Variants in KSR1 observed in about 807,000 individuals in gnomAD.
KSR1 encodes kinase suppressor of ras 1, also known as kinase suppressor of ras.
Under a neutral mutation model 92.9 loss-of-function variants are expected in KSR1, and 35 were observed. That is an observed-to-expected ratio of 0.38 (90% CI 0.29 to 0.50). The LOEUF (loss-of-function observed/expected upper bound fraction) is 0.50, where lower values mean the gene tolerates loss of function less well. Ranked by LOEUF, KSR1 falls within the 20% of genes least tolerant of loss-of-function variation. The pLI is 0.94. For synonymous variants in KSR1, 467 were observed against 472.6 expected (o/e 0.99, Z 0.15); for missense variants, 972 against 1,158.5 (o/e 0.84, Z 2.34).
chr17:27,594,989 A>G (rs1004930810), intron 9 of KSR1, among the ~76,000 whole-genome samples: 2 of 152,212 alleles, frequency 1.3e-5, no homozygotes, highest in African/African-American at 4.8e-5. Context: ...GCCTTGGAGC[A>G]TGAGTGAGAA....
At chr17:27,614,390 G>A (rs1193500163) in intron 18 of KSR1, among the ~76,000 whole-genome samples, 1 of 152,230 alleles carries the variant, frequency 6.6e-6, no homozygotes, top group Non-Finnish European at 1.5e-5. Context: ...TGAGAGAAAA[G>A]ATATTCTTCG....
chr17:27,620,890 C>G (rs12949579), intron 19 of KSR1: 26,213 of 270,580 alleles, frequency 0.097, 1,600 homozygotes, highest in South Asian at 0.26. Context: ...TGGGGCTGTT[C>G]CCTGCCCAGC....
rs779891917 is a variant in KSR1, at chr17:27,590,847, C to T, written c.1083C>T (p.His361=). Residue 361 remains histidine, a synonymous_variant, in exon 7 of 21, where the codon CAC becomes CAT. Transcript: ENST00000644974. ...STKSWLSQVC[H]VCQKSMIFGV... Reference sequence around the variant, plus strand: ...AGTCCTGGCTGTCGCAGGTCTGCCACGTGTGCCAGAAGAGCATGATATTTG... The same window carrying T: ...AGTCCTGGCTGTCGCAGGTCTGCCATGTGTGCCAGAAGAGCATGATATTTG... 7 of 1,611,672 alleles carry T rather than the reference C, an allele frequency of 4.3e-6. No homozygotes were observed. The highest frequency in any genetic ancestry group is 2.2e-5 in the East Asian group (1 of 44,824).
chr17:27,557,240 C>T (rs1188792637), intron 2 of KSR1, among the ~76,000 whole-genome samples: 1 of 152,204 alleles, frequency 6.6e-6, no homozygotes, highest in Non-Finnish European at 1.5e-5. Flanking sequence ...AAGTCTCCTC[C>T]AAGGTAGCTC....
At chr17:27,533,964 C>CGTGTGTGTGTGT (rs60306092) in intron 1 of KSR1, among the ~76,000 whole-genome samples, 182 of 151,734 alleles carry the variant, frequency 1.2e-3, no homozygotes, top group East Asian at 6.8e-3. Flanking sequence ...CGTGTGCGCA[C>CGTGTGTGTGTGT]GTGTGTGTGT....
At chr17:27,462,951 C>A (rs2019519127) in intron 1 of KSR1, among the ~76,000 whole-genome samples, 3 of 152,236 alleles carry the variant, frequency 2.0e-5, no homozygotes, top group Admixed American at 6.5e-5. Flanking sequence ...ATTGTGTGGT[C>A]ATACCACAAA....
chr17:27,616,817 C>T (rs1406614091), intron 18 of KSR1, among the ~76,000 whole-genome samples: 2 of 152,258 alleles, frequency 1.3e-5, no homozygotes, highest in Non-Finnish European at 2.9e-5. Flanking sequence ...GACAGCTGTT[C>T]TGCTGACTCT....
At chr17:27,622,275 G>A (rs939735045) in intron 20 of KSR1, 5 of 371,862 alleles carry the variant, frequency 1.3e-5, no homozygotes, top group Non-Finnish European at 2.5e-5. Context: ...TGTTTGGGTG[G>A]CTCTGTCTCA....
chr17:27,566,946 C>G (rs537400823), intron 2 of KSR1, among the ~76,000 whole-genome samples: 12 of 152,260 alleles, frequency 7.9e-5, no homozygotes, highest in South Asian at 4.1e-4. Flanking sequence ...TTGACCAGGC[C>G]AGGGAGGCCG....
At chr17:27,528,311 C>A (rs1010343710) in intron 1 of KSR1, among the ~76,000 whole-genome samples, 2 of 152,006 alleles carry the variant, frequency 1.3e-5, no homozygotes, top group African/African-American at 2.4e-5. Context: ...AGGTGATCTG[C>A]CCACCTCAAC....
chr17:27,556,391 T>A (rs2071597567), intron 2 of KSR1, among the ~76,000 whole-genome samples: 1 of 152,090 alleles, frequency 6.6e-6, no homozygotes, highest in East Asian at 1.9e-4. Flanking sequence ...ATATATATAT[T>A]TTAATTTTTT....
In KSR1 at chr17:27,577,718, A is replaced by C; in HGVS notation, c.520+79A>C. 2 of 1,220,050 alleles carry C rather than the reference A, an allele frequency of 1.6e-6. No individual in the cohort carries two copies. Among genetic ancestry groups the C allele is most frequent in the Non-Finnish European group, 2.3e-6 (2 of 858,246 alleles). The allele number at this position is 1,220,050 out of a possible 1,614,324, so 75.6% of individuals were successfully genotyped here. On this transcript the variant is annotated intron_variant, in intron 3 of 20. Coordinates refer to ENST00000644974, the MANE Select transcript of KSR1 (RefSeq NM_001394583.1). This position sits in a 1 kb window ranked among gnomAD's most constrained non-coding sequence, Gnocchi z 4.5. ...TGGCCTTCACTATGGTGGGTGATGG[A>C]GCGGGGCAAGCGTGGCCCAGGGTTT...
chr17:27,545,612 ACCT>A (rs2071142606), intron 1 of KSR1, among the ~76,000 whole-genome samples: 2 of 152,300 alleles, frequency 1.3e-5, no homozygotes, highest in South Asian at 4.1e-4. Context: ...CTGGACCCCC[ACCT>A]CCCAGAGTTT....
At chr17:27,532,292 C>T (rs1292550145) in intron 1 of KSR1, among the ~76,000 whole-genome samples, 1 of 152,206 alleles carries the variant, frequency 6.6e-6, no homozygotes, top group African/African-American at 2.4e-5. Context: ...CCCGGTTTTT[C>T]TCAGTGCGGG....
chr17:27,582,603 C>T, intron 3 of KSR1, 43 bp from the exon 4 acceptor site: 1 of 1,548,866 alleles, frequency 6.5e-7, no homozygotes, highest in Admixed American at 1.8e-5. Flanking sequence ...CTGTGAATTC[C>T]TTCCAGCCCT....
intron 1 of KSR1, among the ~76,000 whole-genome samples, chr17:27,538,351 T>G (rs931414043): frequency 5.9e-5 from 9 of 152,208 alleles, no homozygotes; most frequent in African/African-American, 2.2e-4. Flanking sequence ...GCCATCCTTG[T>G]GGTTGCGAGA....
chr17:27,499,746 T>A (rs1344113406), intron 1 of KSR1, among the ~76,000 whole-genome samples: 3 of 152,200 alleles, frequency 2.0e-5, no homozygotes, highest in African/African-American at 7.2e-5. Flanking sequence ...CCTTCAATAA[T>A]GTGTTAGTGA....
At chr17:27,560,588 A>G in intron 2 of KSR1, 1 of 480,886 alleles carries the variant, frequency 2.1e-6, no homozygotes, top group Non-Finnish European at 4.2e-6. Flanking sequence ...TCCTGCCACC[A>G]TTTTGGTTTC....
At chr17:27,502,579 G>A (rs1323380714) in intron 1 of KSR1, among the ~76,000 whole-genome samples, 1 of 152,250 alleles carries the variant, frequency 6.6e-6, no homozygotes, top group Non-Finnish European at 1.5e-5. Context: ...AGCCTCACAA[G>A]TGGTCATTGT....
Sources: allele counts gnomAD v4.1 joint callset (sites outside exome capture counted in the v4.1 genomes callset), GRCh38; gene constraint gnomAD v4.1.1; non-coding constraint Gnocchi (gnomAD v3.1); transcripts MANE v1.5; gene names NCBI Gene and HGNC (gene_info 2026-07-23, HGNC 2026-07-21).